MRPS28: variants seen among roughly 807,000 people sequenced by gnomAD.
MRPS28 encodes small ribosomal subunit protein bS1m.
Under a neutral mutation model 10.8 loss-of-function variants are expected in MRPS28, and 7 were observed. The ratio of observed to expected loss-of-function variants is 0.65; its 90% CI spans 0.37 to 1.22. The LOEUF is 1.22. Ranked by LOEUF, MRPS28 falls within the 50% of genes most tolerant of loss-of-function variation. The probability of loss-of-function intolerance (pLI) is 0.02; values close to 1 mark genes in which losing one functional copy is unlikely to be tolerated. For missense variants in MRPS28, 265 were observed against 232.9 expected (o/e 1.14, Z -0.90); for synonymous variants, 121 against 93.3 (o/e 1.30, Z -1.71).
chr8:79,938,400 C>T (rs1035275788), intron 2 of MRPS28, among the ~76,000 whole-genome samples: 1 of 150,818 alleles, frequency 6.6e-6, no homozygotes, highest in African/African-American at 2.4e-5. Context: ...AGGATTCCAC[C>T]CTGTTCTCTC....
At chr8:79,933,121 A>C (rs1806510148) in intron 2 of MRPS28, among the ~76,000 whole-genome samples, 1 of 152,210 alleles carries the variant, frequency 6.6e-6, no homozygotes, top group East Asian at 1.9e-4. Flanking sequence ...ATATATGTGT[A>C]TATTAGTTTG....
Position 79,922,589 on chromosome 8 carries a change from C to T in MRPS28, c.396-3441G>A, listed in dbSNP as rs1586036101. Among the ~76,000 whole-genome samples the T allele has an allele frequency of 5.3e-5, 8 of 151,814 alleles. 1 individual carries two copies. Among genetic ancestry groups the T allele is most frequent in the Admixed American group, 4.6e-4 (7 of 15,236 alleles). The stretch of plus-strand genomic sequence containing the variant: ...GCATGTTATACCCAATAAATATGTA[C>T]AATTTTTATTAGTTAAAAAATAAAT... On this transcript the variant is annotated intron_variant, in intron 2 of 2. Coordinates refer to ENST00000276585, the MANE Select transcript of MRPS28 (RefSeq NM_014018.3).
chr8:79,984,283 A>G (rs1808077172), intron 2 of MRPS28, among the ~76,000 whole-genome samples: 1 of 152,238 alleles, frequency 6.6e-6, no homozygotes, highest in African/African-American at 2.4e-5. Flanking sequence ...AGCACTAAAC[A>G]TGGAAAGGAA....
intron 2 of MRPS28, among the ~76,000 whole-genome samples, chr8:79,991,084 A>C (rs1371536380): frequency 6.6e-6 from 1 of 152,134 alleles, no homozygotes; most frequent in African/African-American, 2.4e-5. Context: ...GACAGAGGAA[A>C]GGGCAGATTT....
At chr8:80,029,264 G>A (rs1809580115) in intron 1 of MRPS28, among the ~76,000 whole-genome samples, 1 of 152,184 alleles carries the variant, frequency 6.6e-6, no homozygotes, top group South Asian at 2.1e-4. Flanking sequence ...CTACTAAAAT[G>A]ACCCTATAAC....
At chr8:80,009,428 A>T (rs867985697) in intron 1 of MRPS28, among the ~76,000 whole-genome samples, 1 of 151,824 alleles carries the variant, frequency 6.6e-6, no homozygotes, top group Non-Finnish European at 1.5e-5. Context: ...AGTATAATAA[A>T]AAATAAATAA....
intron 1 of MRPS28, among the ~76,000 whole-genome samples, chr8:80,019,255 A>ATGATG (rs1809289340): frequency 6.6e-6 from 1 of 150,480 alleles, no homozygotes; most frequent in Non-Finnish European, 1.5e-5. Context: ...TCTATTTACT[A>ATGATG]TGATGTGATT....
At chr8:79,921,359 G>C (rs1374802677) in intron 2 of MRPS28, among the ~76,000 whole-genome samples, 1 of 152,094 alleles carries the variant, frequency 6.6e-6, no homozygotes, top group Non-Finnish European at 1.5e-5. Context: ...GGATGGCATT[G>C]AATCTATAAA....
At chr8:79,945,330 G>A (rs559130825) in intron 2 of MRPS28, among the ~76,000 whole-genome samples, 1 of 152,260 alleles carries the variant, frequency 6.6e-6, no homozygotes, top group East Asian at 1.9e-4. Context: ...CAATAGAACT[G>A]ACAAGAATAA....
intron 2 of MRPS28, among the ~76,000 whole-genome samples, chr8:79,942,176 A>G (rs1806786931): frequency 6.6e-6 from 1 of 152,178 alleles, no homozygotes; most frequent in Non-Finnish European, 1.5e-5. Context: ...TTGCTCAAGC[A>G]GGTTCACTGC....
chr8:79,991,399 G>A (rs1225383842), intron 2 of MRPS28, among the ~76,000 whole-genome samples: 1 of 152,132 alleles, frequency 6.6e-6, no homozygotes, highest in Non-Finnish European at 1.5e-5. Flanking sequence ...GCTAGCACTA[G>A]GCCTAGCAAA....
chr8:80,013,392 T>C (rs537319383), intron 1 of MRPS28, among the ~76,000 whole-genome samples: 1 of 152,024 alleles, frequency 6.6e-6, no homozygotes, highest in East Asian at 1.9e-4. Context: ...CCCAGCACTT[T>C]GGGAGGCTGA....
chr8:79,927,758 C>T (rs1249606836), intron 2 of MRPS28, among the ~76,000 whole-genome samples: 1 of 152,186 alleles, frequency 6.6e-6, no homozygotes, highest in Non-Finnish European at 1.5e-5. Context: ...GTCTTTTCAA[C>T]AAGAGATGAG....
chr8:79,919,623 T>G (rs1810018289), intron 2 of MRPS28, among the ~76,000 whole-genome samples: 1 of 152,186 alleles, frequency 6.6e-6, no homozygotes, highest in Admixed American at 6.5e-5. Context: ...TGTGAGTCAC[T>G]GCCAGCTCTA....
At position 79,953,097 on chromosome 8, in the gene MRPS28, G is replaced by A. The variant is rs192731361; in HGVS notation, c.396-33949C>T. 1.4e-4 allele frequency among the ~76,000 whole-genome samples: 22 copies of A among 152,272 alleles called. No homozygotes were observed. In the East Asian group the frequency reaches 3.3e-3, roughly 23 times the overall value. ...CTAATCCTGCTCTGACCTCAGAGTCGAGCCTGAGAACCTGTCAGAAAGGTG... is the reference window on the plus strand; with the variant it reads ...CTAATCCTGCTCTGACCTCAGAGTCAAGCCTGAGAACCTGTCAGAAAGGTG... On this transcript the variant is annotated intron_variant, in intron 2 of 2. Coordinates refer to ENST00000276585, the MANE Select transcript of MRPS28 (RefSeq NM_014018.3).
intron 1 of MRPS28, among the ~76,000 whole-genome samples, chr8:80,006,486 G>GT (rs1172364637): frequency 6.6e-6 from 1 of 152,104 alleles, no homozygotes. Flanking sequence ...CCAGGAGCTG[G>GT]TTTTTTGAAA....
intron 2 of MRPS28, among the ~76,000 whole-genome samples, chr8:79,937,866 CACT>C (rs2129919780): frequency 6.6e-6 from 1 of 152,312 alleles, no homozygotes; most frequent in East Asian, 1.9e-4. Context: ...GACACCAGCT[CACT>C]ACATGGTATT....
intron 1 of MRPS28, among the ~76,000 whole-genome samples, chr8:80,008,963 C>T (rs2130187173): frequency 6.6e-6 from 1 of 152,276 alleles, no homozygotes; most frequent in South Asian, 2.1e-4. Flanking sequence ...CTGCTATAAA[C>T]ACACATGCAC....
chr8:79,983,628 C>A (rs1367003877), intron 2 of MRPS28, among the ~76,000 whole-genome samples: 2 of 152,170 alleles, frequency 1.3e-5, no homozygotes, highest in Non-Finnish European at 2.9e-5. Context: ...GTGAAGAATG[C>A]AGAAGCCTCA....
Sources: allele counts gnomAD v4.1 joint callset (sites outside exome capture counted in the v4.1 genomes callset), GRCh38; gene constraint gnomAD v4.1.1; transcripts MANE v1.5; gene names NCBI Gene and HGNC (gene_info 2026-07-23, HGNC 2026-07-21).